The following DIAPH3 variants were observed in gnomAD, a reference collection of about 807,000 sequenced individuals.
DIAPH3 encodes the protein protein diaphanous homolog 3.
A neutral mutation model predicts 144.3 loss-of-function variants in DIAPH3; 117 were observed. The ratio of observed to expected loss-of-function variants is 0.81; its 90% CI spans 0.70 to 0.95. DIAPH3 has a LOEUF of 0.95. Ranked by LOEUF, DIAPH3 falls within the 40% of genes least tolerant of loss-of-function variation. The pLI, the probability that DIAPH3 is intolerant of heterozygous loss-of-function variation, is 0.00. For missense variants in DIAPH3, 1,421 were observed against 1,412.7 expected, an observed-to-expected ratio of 1.01 and a Z score of -0.09; for synonymous variants, 519 against 488.9, an observed-to-expected ratio of 1.06 and a Z score of -0.81.
chr13:59,965,272 G>C (rs903230654), intron 17 of DIAPH3, among the ~76,000 whole-genome samples: 6 of 151,928 alleles, frequency 3.9e-5, no homozygotes, highest in African/African-American at 1.4e-4. Flanking sequence ...GGCCCTATCT[G>C]GCAAAAATGA....
At chr13:59,864,820 C>T (rs769870797) in intron 21 of DIAPH3, among the ~76,000 whole-genome samples, 2 of 151,676 alleles carry the variant, frequency 1.3e-5, no homozygotes, top group African/African-American at 2.4e-5. Flanking sequence ...GAGTAGCAAG[C>T]AGCATAATGG....
intron 24 of DIAPH3, among the ~76,000 whole-genome samples, chr13:59,831,248 A>G (rs1388893422): frequency 6.6e-6 from 1 of 151,910 alleles, no homozygotes; most frequent in Non-Finnish European, 1.5e-5. Context: ...TAATTGTGTC[A>G]GAGGTCCCCA....
At chr13:60,098,515 C>T (rs1033140575) in intron 3 of DIAPH3, among the ~76,000 whole-genome samples, 2 of 151,912 alleles carry the variant, frequency 1.3e-5, no homozygotes, top group Admixed American at 1.3e-4. Context: ...ACTAAAAGTA[C>T]CTACTATACC....
chr13:59,984,541 T>A (rs1054127638), intron 12 of DIAPH3, among the ~76,000 whole-genome samples: 22 of 151,832 alleles, frequency 1.4e-4, no homozygotes, highest in African/African-American at 5.1e-4. Flanking sequence ...CCCTTAAGAT[T>A]TTGAAAGGAT....
At chr13:59,676,163 G>T (rs1044860907) in intron 27 of DIAPH3, among the ~76,000 whole-genome samples, 1 of 152,126 alleles carries the variant, frequency 6.6e-6, no homozygotes, top group Non-Finnish European at 1.5e-5. Flanking sequence ...AAGACCCCTT[G>T]TTACTTGGTG....
At chr13:59,697,491 A>AAAAAG (rs1555274392) in intron 27 of DIAPH3, among the ~76,000 whole-genome samples, 9 of 78,064 alleles carry the variant, frequency 1.2e-4, no homozygotes, top group East Asian at 1.0e-3. Flanking sequence ...AAAAAAAAAA[A>AAAAAG]AAGAAGAGGG....
chr13:60,148,957 T>C, intron 1 of DIAPH3, among the ~76,000 whole-genome samples: 1 of 152,234 alleles, frequency 6.6e-6, no homozygotes, highest in Non-Finnish European at 1.5e-5. Context: ...ACCCGTGTGC[T>C]ATGCTCAGTA....
intron 1 of DIAPH3, among the ~76,000 whole-genome samples, chr13:60,156,576 T>C (rs1319018070): frequency 6.6e-6 from 1 of 152,042 alleles, no homozygotes; most frequent in Non-Finnish European, 1.5e-5. Context: ...CCAATCTTCC[T>C]TCAGTATACA....
chr13:60,012,039 C>T (rs1398254455), intron 7 of DIAPH3, among the ~76,000 whole-genome samples: 2 of 151,872 alleles, frequency 1.3e-5, no homozygotes, highest in African/African-American at 2.4e-5. Context: ...GAGTTACTAC[C>T]AAACACTAAA....
intron 18 of DIAPH3, among the ~76,000 whole-genome samples, chr13:59,918,193 C>T (rs1189068583): frequency 2.1e-5 from 3 of 142,084 alleles, no homozygotes; most frequent in African/African-American, 5.5e-5. Flanking sequence ...CATCCACCAA[C>T]GTCAGGCAGC....
At chr13:60,068,293 C>T (rs1312983404) in intron 4 of DIAPH3, among the ~76,000 whole-genome samples, 2 of 152,060 alleles carry the variant, frequency 1.3e-5, no homozygotes, top group African/African-American at 2.4e-5. Context: ...GATAACTTAA[C>T]CAAAAATGCT....
At chr13:59,989,850 T>C (rs908549244) in intron 12 of DIAPH3, among the ~76,000 whole-genome samples, 2 of 151,880 alleles carry the variant, frequency 1.3e-5, no homozygotes, top group Admixed American at 6.6e-5. Flanking sequence ...GTTCAAACCA[T>C]TGAAAACAAA....
chr13:59,843,056 C>T (rs372219846), intron 22 of DIAPH3, among the ~76,000 whole-genome samples: 37 of 152,290 alleles, frequency 2.4e-4, no homozygotes, highest in African/African-American at 7.9e-4. Flanking sequence ...ACCCTTTAAT[C>T]GTATGTTTAC....
chr13:60,129,019 G>C (rs997849195), intron 2 of DIAPH3, among the ~76,000 whole-genome samples: 1 of 152,232 alleles, frequency 6.6e-6, no homozygotes, highest in Non-Finnish European at 1.5e-5. Context: ...AGTAAAGCAG[G>C]CTGCAGTCAG....
At chr13:60,022,279 T>C (rs2054078460) in intron 5 of DIAPH3, among the ~76,000 whole-genome samples, 1 of 152,190 alleles carries the variant, frequency 6.6e-6, no homozygotes, top group Non-Finnish European at 1.5e-5. Flanking sequence ...AACTTCCCTA[T>C]GGTGTAAAAC....
chr13:59,687,883 C>G (rs1469040278), intron 27 of DIAPH3, among the ~76,000 whole-genome samples: 3 of 151,962 alleles, frequency 2.0e-5, no homozygotes, highest in East Asian at 1.9e-4. Context: ...AACTTTAATA[C>G]TTAGGTGTTT....
chr13:59,959,913 G>A (rs1028778577), intron 17 of DIAPH3, among the ~76,000 whole-genome samples: 1 of 152,088 alleles, frequency 6.6e-6, no homozygotes, highest in African/African-American at 2.4e-5. Flanking sequence ...GAAATTGAAG[G>A]GAAAACTAGG....
chr13:59,706,624 A>C (rs1285878968), intron 27 of DIAPH3, among the ~76,000 whole-genome samples: 1 of 152,214 alleles, frequency 6.6e-6, no homozygotes, highest in African/African-American at 2.4e-5. Context: ...TAGAACTCCA[A>C]ATGATAAGAC....
chr13:59,980,697 AAAG>A (rs2050946541), intron 14 of DIAPH3, 95 bp downstream of exon 14: 4 of 1,098,246 alleles, frequency 3.6e-6, no homozygotes, highest in Non-Finnish European at 5.5e-6. Flanking sequence ...TGAAGCAGAT[AAAG>A]AAGAAAGAAC....
Sources: allele counts gnomAD v4.1 joint callset (sites outside exome capture counted in the v4.1 genomes callset), GRCh38; gene constraint gnomAD v4.1.1; transcripts MANE v1.5; gene names NCBI Gene and HGNC (gene_info 2026-07-23, HGNC 2026-07-21).